The following EXT1 variants were observed in gnomAD, a reference collection of about 807,000 sequenced individuals.
The protein encoded by EXT1 is exostosin-1.
In EXT1, 20 loss-of-function variants were observed where a neutral mutation model predicts 82.5. That is an observed-to-expected ratio of 0.24 (90% CI 0.17 to 0.35). EXT1 has a LOEUF of 0.35. EXT1 is among the 10% of genes least tolerant of loss of function. The pLI, the probability that EXT1 is intolerant of heterozygous loss-of-function variation, is 1.00. For synonymous variants in EXT1, 348 were observed against 350.8 expected, an observed-to-expected ratio of 0.99 and a Z score of 0.09; for missense variants, 757 against 936.5, an observed-to-expected ratio of 0.81 and a Z score of 2.50.
chr8:118,018,255 G>A (rs1563630970), intron 1 of EXT1, among the ~76,000 whole-genome samples: 1 of 152,156 alleles, frequency 6.6e-6, no homozygotes, highest in African/African-American at 2.4e-5. Flanking sequence ...AGTAGGGTGG[G>A]TGCCTAAGCC....
chr8:118,072,145 G>A (rs536227252), intron 1 of EXT1, among the ~76,000 whole-genome samples: 35 of 152,290 alleles, frequency 2.3e-4, no homozygotes, highest in Non-Finnish European at 4.4e-4. Flanking sequence ...ATGGAGAAAA[G>A]CATACCTATC....
intron 5 of EXT1, 81 bp downstream of exon 5, chr8:117,822,384 G>T: frequency 6.8e-7 from 1 of 1,477,750 alleles, no homozygotes; most frequent in South Asian, 1.1e-5. Context: ...GACCCCATTA[G>T]AGTAGAAGAA....
At chr8:118,059,138 C>A (rs11562685) in intron 1 of EXT1, among the ~76,000 whole-genome samples, 8,797 of 152,260 alleles carry the variant, frequency 0.058, 811 homozygotes, top group African/African-American at 0.2. Context: ...GGTTCCAAAT[C>A]CTGATATTTC....
chr8:118,000,553 A>T (rs984174998), intron 1 of EXT1, among the ~76,000 whole-genome samples: 3 of 152,210 alleles, frequency 2.0e-5, no homozygotes, highest in Non-Finnish European at 4.4e-5. Context: ...GTAGCTAGGA[A>T]CTGTTTAACT....
At position 117,804,878 on chromosome 8, in the gene EXT1, T is replaced by C. The variant is rs368191286; in HGVS notation, c.1899A>G (p.Leu633=). Reference sequence around the variant, plus strand: ...GGCTGGCTGGCAGGTAATGGGAGTATAGGTAGTGATAATATCTGTAAAAAT... The same window carrying C: ...GGCTGGCTGGCAGGTAATGGGAGTACAGGTAGTGATAATATCTGTAAAAAT... ...AAIYHKYYHY[L]YSHYLPASLK... is the part of the protein sequence containing the mutation. Residue 633 remains leucine (L), a synonymous_variant, in exon 10 of 11, where the codon CTA becomes CTG. Coordinates refer to ENST00000378204, the MANE Select transcript of EXT1 (RefSeq NM_000127.3). The C allele has an allele frequency of 4.1e-5, 66 of 1,613,900 alleles. No homozygotes were observed. The highest frequency in any genetic ancestry group is 5.4e-5 in the Non-Finnish European group (64 of 1,179,918).
At chr8:118,104,738 T>A (rs915455205) in intron 1 of EXT1, among the ~76,000 whole-genome samples, 1 of 152,228 alleles carries the variant, frequency 6.6e-6, no homozygotes, top group Non-Finnish European at 1.5e-5. Flanking sequence ...AATGCTCATG[T>A]CAGTGGTCAA....
At chr8:118,033,595 C>T (rs1336616381) in intron 1 of EXT1, among the ~76,000 whole-genome samples, 1 of 152,194 alleles carries the variant, frequency 6.6e-6, no homozygotes, top group Non-Finnish European at 1.5e-5. Flanking sequence ...CCACCCAACC[C>T]AGCCTCTCAA....
At chr8:117,822,108 G>GA (rs921940055) in intron 5 of EXT1, among the ~76,000 whole-genome samples, 14 of 148,414 alleles carry the variant, frequency 9.4e-5, no homozygotes, top group African/African-American at 2.2e-4. Context: ...TTGGGATTGT[G>GA]AAAAAAAAAA....
In EXT1 at chr8:117,854,147, G is replaced by A. The variant is rs17452812; in HGVS notation, c.963-16946C>T. ...GTCCTTCCCATTGACTCTAATAGTT[G>A]TTAAGGTAAGAGAGGTAAAGAAGGG... On this transcript the variant is annotated intron_variant, in intron 1 of 10. Transcript: ENST00000378204. Among the ~76,000 whole-genome samples the A allele has an allele frequency of 7.4e-3, 1,124 of 152,328 alleles. 5 individuals carry two copies. The highest frequency in any genetic ancestry group is 0.012 in the Non-Finnish European group (817 of 68,028).
In EXT1 at chr8:117,856,090, GA is replaced by G. The variant is rs1318647465; in HGVS notation, c.963-18890del. On this transcript the variant is annotated intron_variant, in intron 1 of 10. Transcript: ENST00000378204. ...AAACAGCCAAGTCATGAATGCAAAG[GA>G]AAAGTTCTTGAAGGAAGTTAAAAGT... 5.9e-5 allele frequency among the ~76,000 whole-genome samples: 9 copies of G among 152,310 alleles called. No individual in the cohort carries two copies. In the East Asian group the frequency reaches 1.7e-3, roughly 29 times the overall value.
At chr8:117,807,962 A>G (rs902501578) in intron 8 of EXT1, among the ~76,000 whole-genome samples, 1 of 152,230 alleles carries the variant, frequency 6.6e-6, no homozygotes, top group Non-Finnish European at 1.5e-5. Flanking sequence ...GCACAGTTTA[A>G]GAGACACTAG....
In EXT1 at chr8:118,042,082, G is replaced by A. The variant is rs978370313; in HGVS notation, c.962+68003C>T. ...AGGACCCCCTCGTACCCCCATCTCC[G>A]CTCTTGCTCTGGTGTCTCCCCTGTT... is the stretch of plus-strand genomic sequence containing the variant. On this transcript the variant is annotated intron_variant, in intron 1 of 10. Transcript: ENST00000378204. 6.6e-5 allele frequency among the ~76,000 whole-genome samples: 10 copies of A among 152,064 alleles called. 1 individual carries two copies. The highest frequency in any genetic ancestry group is 3.2e-3 in the Middle Eastern group (1 of 316).
At chr8:117,893,416 G>C (rs577114970) in intron 1 of EXT1, among the ~76,000 whole-genome samples, 17 of 152,314 alleles carry the variant, frequency 1.1e-4, no homozygotes, top group African/African-American at 3.8e-4. Context: ...GGATAAACCT[G>C]TTCCATGCCA....
rs1475392021 is a variant in EXT1 at position 117,798,122 on chromosome 8, G to A, written c.*1590C>T. On this transcript the variant is annotated 3_prime_UTR_variant, in exon 11 of 11. Transcript: ENST00000378204. The stretch of plus-strand genomic sequence containing the variant: ...AAGAAAGGATGAGGTAAAGTCCAAT[G>A]GACTTACGGTTTCCACTGACCTAAG... The A allele has an allele frequency of 6.6e-6, 1 of 152,264 alleles. No homozygotes were observed. Among genetic ancestry groups the A allele is most frequent in the East Asian group, 1.9e-4 (1 of 5,178 alleles). The allele number at this position is 152,264 out of a possible 1,614,324, so 9.4% of individuals were successfully genotyped here. A position where few individuals can be genotyped will look rare whatever the true frequency, so the allele number is the denominator to read the frequency against.
chr8:117,935,112 C>T (rs546993261), intron 1 of EXT1, among the ~76,000 whole-genome samples: 35 of 152,108 alleles, frequency 2.3e-4, no homozygotes, highest in Non-Finnish European at 3.2e-4. Flanking sequence ...ACATATACAT[C>T]TCCTAGGATT....
At chr8:117,803,570 C>A (rs571179564) in intron 10 of EXT1, among the ~76,000 whole-genome samples, 1 of 152,074 alleles carries the variant, frequency 6.6e-6, no homozygotes, top group Non-Finnish European at 1.5e-5. Context: ...TCGGCATATC[C>A]AGGTGGACCT....
At chr8:118,013,822 A>T (rs1427001282) in intron 1 of EXT1, among the ~76,000 whole-genome samples, 2 of 152,222 alleles carry the variant, frequency 1.3e-5, no homozygotes, top group African/African-American at 4.8e-5. Flanking sequence ...TATACTAGTC[A>T]TTATTTATAT....
intron 1 of EXT1, among the ~76,000 whole-genome samples, chr8:117,876,536 A>C (rs1210045575): frequency 2.0e-5 from 3 of 152,208 alleles, no homozygotes; most frequent in African/African-American, 7.2e-5. Context: ...TTGTTGATAA[A>C]ATAGAATTTG....
intron 3 of EXT1, chr8:117,831,690 A>G (rs1812101096): frequency 2.1e-6 from 1 of 470,766 alleles, no homozygotes; most frequent in African/African-American, 2.0e-5. Context: ...TAGCTGCTTT[A>G]ATAGGAAAGT....
Sources: gnomAD v4.1 joint callset for allele counts (sites outside exome capture counted in the v4.1 genomes callset) on GRCh38, gnomAD v4.1.1 for gene constraint, MANE v1.5 for transcripts, NCBI Gene and HGNC (gene_info 2026-07-23, HGNC 2026-07-21) for gene names.